The following POU2F1 variants were observed in gnomAD, a reference collection of about 807,000 sequenced individuals.
The protein encoded by POU2F1 is POU class 2 homeobox 1, also known as POU domain, class 2, transcription factor 1.
Under a neutral mutation model 84.9 loss-of-function variants are expected in POU2F1, and 16 were observed. That is an observed-to-expected ratio of 0.19 (90% CI 0.13 to 0.29). The LOEUF (loss-of-function observed/expected upper bound fraction) is 0.29. POU2F1 is among the 10% of genes least tolerant of loss of function. The pLI is 1.00. For synonymous variants in POU2F1, 368 were observed against 368.3 expected (o/e 1.00, Z 0.01); for missense variants, 738 against 942.6 (o/e 0.78, Z 2.84).
At chr1:167,255,731 G>T (rs1020890531) in intron 1 of POU2F1, among the ~76,000 whole-genome samples, 1 of 152,144 alleles carries the variant, frequency 6.6e-6, no homozygotes, top group African/African-American at 2.4e-5. Flanking sequence ...CCATAAGGAG[G>T]TGGAATCTTT....
intron 1 of POU2F1, among the ~76,000 whole-genome samples, chr1:167,242,575 G>A (rs934641286): frequency 6.6e-6 from 1 of 152,208 alleles, no homozygotes; most frequent in Non-Finnish European, 1.5e-5. Flanking sequence ...TTTGCCCTAA[G>A]ATAGTTGAGA....
At chr1:167,383,811 C>G (rs750513380) in intron 7 of POU2F1, 46 bp from the exon 8 acceptor site, 3 of 1,508,938 alleles carry the variant, frequency 2.0e-6, no homozygotes, top group South Asian at 2.3e-5. Context: ...GCCATGTGTT[C>G]GAAGAAATCT....
At chr1:167,324,405 G>GA (rs1174394900) in intron 1 of POU2F1, among the ~76,000 whole-genome samples, 1 of 147,256 alleles carries the variant, frequency 6.8e-6, no homozygotes, top group East Asian at 1.9e-4. Flanking sequence ...GACTTTCAGT[G>GA]AAAAACGTAA....
chr1:167,271,716 G>A (rs1391634425), intron 1 of POU2F1, among the ~76,000 whole-genome samples: 10 of 152,136 alleles, frequency 6.6e-5, no homozygotes. Context: ...TGGTGAATTA[G>A]TGAACCATCA....
intron 9 of POU2F1, among the ~76,000 whole-genome samples, chr1:167,393,783 G>A (rs1316592295): frequency 5.3e-5 from 8 of 152,050 alleles, no homozygotes; most frequent in Admixed American, 1.3e-4. Context: ...GTAGCTTATT[G>A]TGCAGTTACT....
intron 4 of POU2F1, among the ~76,000 whole-genome samples, chr1:167,371,330 AT>A: frequency 6.6e-6 from 1 of 152,360 alleles, no homozygotes; most frequent in African/African-American, 2.4e-5. Context: ...GGTGAGAAAT[AT>A]GCAAATCTAT....
chr1:167,370,737 A>G (rs1659955450), intron 4 of POU2F1, among the ~76,000 whole-genome samples: 1 of 152,226 alleles, frequency 6.6e-6, no homozygotes, highest in African/African-American at 2.4e-5. Flanking sequence ...GGGGACATTT[A>G]TAAGATTGCC....
intron 1 of POU2F1, among the ~76,000 whole-genome samples, chr1:167,316,358 A>G (rs1655898587): frequency 6.6e-6 from 1 of 152,232 alleles, no homozygotes; most frequent in African/African-American, 2.4e-5. Context: ...CAAAAACAAA[A>G]GAGAGGGATA....
intron 13 of POU2F1, among the ~76,000 whole-genome samples, chr1:167,403,636 A>G (rs1374411678): frequency 6.6e-6 from 1 of 152,136 alleles, no homozygotes; most frequent in Non-Finnish European, 1.5e-5. Flanking sequence ...GTTATTTATT[A>G]AAGACGGCCA....
chr1:167,365,208 A>G (rs1329227944), intron 2 of POU2F1, among the ~76,000 whole-genome samples: 1 of 152,148 alleles, frequency 6.6e-6, no homozygotes, highest in Admixed American at 6.5e-5. Flanking sequence ...TTCACATACC[A>G]TCTTATGATT....
At chr1:167,373,102 T>C (rs546743856) in intron 5 of POU2F1, among the ~76,000 whole-genome samples, 1 of 152,246 alleles carries the variant, frequency 6.6e-6, no homozygotes, top group South Asian at 2.1e-4. Flanking sequence ...CACATATCCC[T>C]TGAAGGGTAT....
chr1:167,347,258 CA>C (rs1181113101), intron 2 of POU2F1, among the ~76,000 whole-genome samples: 1 of 152,168 alleles, frequency 6.6e-6, no homozygotes, highest in African/African-American at 2.4e-5. Context: ...ATTTTCATTA[CA>C]CATTAACATG....
At chr1:167,406,336 C>T (rs1649573410) in intron 13 of POU2F1, among the ~76,000 whole-genome samples, 1 of 152,146 alleles carries the variant, frequency 6.6e-6, no homozygotes, top group African/African-American at 2.4e-5. Flanking sequence ...AAAACCCATT[C>T]ATGATGAAAG....
chr1:167,358,716 C>CTTGTTTTTTTTT (rs1659141785), intron 2 of POU2F1, among the ~76,000 whole-genome samples: 1 of 38,350 alleles, frequency 2.6e-5, no homozygotes, highest in African/African-American at 7.1e-5. Flanking sequence ...TTATCTGCAG[C>CTTGTTTTTTTTT]TTTTTTTTTT....
At chr1:167,266,275 C>T (rs1046022448) in intron 1 of POU2F1, among the ~76,000 whole-genome samples, 4 of 152,116 alleles carry the variant, frequency 2.6e-5, no homozygotes, top group Admixed American at 2.6e-4. Context: ...TTAATGGTAC[C>T]AAATTATCTT....
rs138608908 is a variant in POU2F1, at chr1:167,229,599, C to T, written c.61+8641C>T. Among the ~76,000 whole-genome samples, 968 of 152,184 alleles carry T rather than the reference C, an allele frequency of 6.4e-3. 10 individuals carry two copies. Among genetic ancestry groups the T allele is most frequent in the Middle Eastern group, 0.051 (15 of 294 alleles). On this transcript the variant is annotated intron_variant, in intron 1 of 15. Transcript: ENST00000367866. ...TTCAACAATACGATGGTGATAATAC[C>T]AGTGTTAGAGGGATGCTGTGGGGAG...
intron 9 of POU2F1, among the ~76,000 whole-genome samples, chr1:167,393,274 C>T (rs1648557402): frequency 6.6e-6 from 1 of 151,990 alleles, no homozygotes; most frequent in Non-Finnish European, 1.5e-5. Flanking sequence ...AAGCCTGTAC[C>T]GAATTAATGA....
At chr1:167,333,856 C>T (rs1029321314) in intron 2 of POU2F1, among the ~76,000 whole-genome samples, 7 of 152,146 alleles carry the variant, frequency 4.6e-5, no homozygotes, top group Non-Finnish European at 1.0e-4. Context: ...GTTCCTATGC[C>T]AGTGCCGGTG....
intron 1 of POU2F1, among the ~76,000 whole-genome samples, chr1:167,279,913 A>C (rs180950182): frequency 6.6e-6 from 1 of 152,134 alleles, no homozygotes; most frequent in Non-Finnish European, 1.5e-5. Flanking sequence ...TGTATTTAAA[A>C]CCATATTGTT....
Sources: gnomAD v4.1 joint callset for allele counts (sites outside exome capture counted in the v4.1 genomes callset) on GRCh38, gnomAD v4.1.1 for gene constraint, MANE v1.5 for transcripts, NCBI Gene and HGNC (gene_info 2026-07-23, HGNC 2026-07-21) for gene names.